Variants in PKD2 observed in about 807,000 individuals in gnomAD.
PKD2 encodes the protein polycystin 2, transient receptor potential cation channel.
In PKD2, 48 loss-of-function variants were observed where a neutral mutation model predicts 105.9. That is an observed-to-expected ratio of 0.45 (90% confidence interval 0.36 to 0.58). PKD2 has a LOEUF of 0.58. Among genes scored for constraint, PKD2 ranks in the 20% least tolerant of loss-of-function variants. The pLI is 0.00. For synonymous variants in PKD2, 464 were observed against 481.1 expected, an observed-to-expected ratio of 0.96 and a Z score of 0.46; for missense variants, 1,078 against 1,255.3, an observed-to-expected ratio of 0.86 and a Z score of 2.13.
Position 88,075,839 on chromosome 4 carries a change from T to C in PKD2, c.*145T>C, listed in dbSNP as rs1263731896. The C allele has an allele frequency of 1.4e-6, 1 of 730,678 alleles. No homozygotes were observed. Among genetic ancestry groups the C allele is most frequent in the Non-Finnish European group, 2.4e-6 (1 of 411,146 alleles). The allele number at this position is 730,678 out of a possible 1,614,324, so 45.3% of individuals were successfully genotyped here. A position where few individuals can be genotyped will look rare whatever the true frequency, so the allele number is the denominator to read the frequency against. ...TGCTAATCTTCTGCACTTTAATTTA[T>C]TTTATATAAACTTTACCCATGGTTC... On this transcript the variant is annotated 3_prime_UTR_variant, in exon 15 of 15. Coordinates refer to ENST00000237596, the MANE Select transcript of PKD2 (RefSeq NM_000297.4).
At position 88,056,128 on chromosome 4, in the gene PKD2, T is replaced by G. The variant is rs1234523634; in HGVS notation, c.1759T>G (p.Ser587Ala). 1 of 1,613,848 alleles carries G rather than the reference T, an allele frequency of 6.2e-7. No homozygotes were observed. The highest frequency in any genetic ancestry group is 1.1e-5 in the South Asian group (1 of 91,072). Residue 587 changes from serine (S) to alanine (A), a missense_variant, in exon 8 of 15, where the codon TCG (serine) becomes GCG (alanine). Physicochemically the swap from Ser to Ala is moderately conservative, Grantham distance 99. Around this residue, in one of 2 missense-constraint regions of PKD2, gnomAD observed 868 missense variants for 1,067.3 expected, o/e 0.81. Coordinates refer to ENST00000237596, the MANE Select transcript of PKD2 (RefSeq NM_000297.4). Reference sequence around the variant, plus strand: ...TTTTAACAGGACCATGAGCCAGCTCTCGACAACCATGTCTCGATGTGCCAA... The same window carrying G: ...TTTTAACAGGACCATGAGCCAGCTCGCGACAACCATGTCTCGATGTGCCAA... ...INFNRTMSQLSTTMSRCAKDL... is the reference protein window; with the variant it reads ...INFNRTMSQLATTMSRCAKDL...
At chr4:88,011,921 C>T (rs753725684) in intron 1 of PKD2, among the ~76,000 whole-genome samples, 1 of 150,268 alleles carries the variant, frequency 6.7e-6, no homozygotes, top group Admixed American at 6.6e-5. Flanking sequence ...GCAGTTTTGC[C>T]CCTCAGGGGA....
Position 88,056,053 on chromosome 4 carries a change from C to T in PKD2, c.1717-33C>T, listed in dbSNP as rs372552957. On this transcript the variant is annotated intron_variant, in intron 7 of 14. Transcript: ENST00000237596. ...ATACAGTCACACCATTTTGTTTATC[C>T]ATTCATCTATTGATGTCTTCTCTCT... 6.1e-4 allele frequency: 808 copies of T among 1,334,916 alleles called. 19 individuals are homozygous for T. The South Asian group carries it at 8.7e-3, about 14-fold the overall frequency. The allele number at this position is 1,334,916 out of a possible 1,614,324, so 82.7% of individuals were successfully genotyped here. A position where few individuals can be genotyped will look rare whatever the true frequency, so the allele number is the denominator to read the frequency against.
chr4:88,014,662 G>A (rs577082829), intron 1 of PKD2, among the ~76,000 whole-genome samples: 44 of 152,298 alleles, frequency 2.9e-4, no homozygotes, highest in African/African-American at 1.0e-3. Context: ...AGACTCACAT[G>A]TATCTTAGCA....
chr4:88,009,963 GTA>G (rs1314555672), intron 1 of PKD2, among the ~76,000 whole-genome samples: 1 of 152,036 alleles, frequency 6.6e-6, no homozygotes, highest in Non-Finnish European at 1.5e-5. Flanking sequence ...TTTCATATGA[GTA>G]TGTATGTAAA....
intron 4 of PKD2, among the ~76,000 whole-genome samples, chr4:88,042,886 G>T (rs1334782965): frequency 6.6e-6 from 1 of 152,128 alleles, no homozygotes; most frequent in Non-Finnish European, 1.5e-5. Context: ...AAGTCGTCTA[G>T]TCCCTGAGCA....
chr4:88,070,575 TA>T (rs1560629851), intron 13 of PKD2, among the ~76,000 whole-genome samples: 3 of 83,392 alleles, frequency 3.6e-5, no homozygotes, highest in Admixed American at 2.4e-4. Context: ...TTATTTATTT[TA>T]TATATATATA....
intron 2 of PKD2, among the ~76,000 whole-genome samples, chr4:88,031,107 GCC>G: frequency 6.6e-6 from 1 of 152,248 alleles, no homozygotes; most frequent in East Asian, 1.9e-4. Flanking sequence ...TAAAGATAGA[GCC>G]ACAGATCCCA....
intron 1 of PKD2, 114 bp downstream of exon 1, chr4:88,008,442 T>G: frequency 7.7e-7 from 1 of 1,296,454 alleles, no homozygotes; most frequent in Non-Finnish European, 1.0e-6. Flanking sequence ...CCCTCTGCGT[T>G]CCGCCTCCCT....
rs1031418138 is a variant in PKD2 at position 88,077,407 on chromosome 4, G to C, written c.*1713G>C. 1 of 152,524 alleles carries C rather than the reference G, an allele frequency of 6.6e-6. No individual in the cohort carries two copies. Among genetic ancestry groups the C allele is most frequent in the African/African-American group, 2.4e-5 (1 of 41,406 alleles). 9.4% of individuals were successfully genotyped at this position (152,524 alleles called of 1,614,324 possible). ...ATTGACTGTACATATTTATGTATATGTACCATGTTGTTACATGTAAACAAA... is the reference window on the plus strand; with the variant it reads ...ATTGACTGTACATATTTATGTATATCTACCATGTTGTTACATGTAAACAAA... On this transcript the variant is annotated 3_prime_UTR_variant, in exon 15 of 15. Coordinates refer to ENST00000237596, the MANE Select transcript of PKD2 (RefSeq NM_000297.4).
intron 2 of PKD2, among the ~76,000 whole-genome samples, chr4:88,028,290 G>A (rs1463049361): frequency 6.6e-6 from 1 of 152,206 alleles, no homozygotes; most frequent in Non-Finnish European, 1.5e-5. Context: ...CATGAAGATC[G>A]AGTTGATAAC....
chr4:88,023,219 G>A (rs1249656565), intron 2 of PKD2, among the ~76,000 whole-genome samples: 1 of 152,228 alleles, frequency 6.6e-6, no homozygotes, highest in Admixed American at 6.5e-5. Context: ...TTCTGGGGAG[G>A]CCTCAGGAAG....
intron 2 of PKD2, among the ~76,000 whole-genome samples, chr4:88,033,469 T>G (rs929677248): frequency 1.3e-5 from 2 of 151,412 alleles, no homozygotes; most frequent in African/African-American, 4.9e-5. Context: ...CCTTCAAAGC[T>G]GGAAGGCATT....
chr4:88,049,355 C>T, intron 6 of PKD2, among the ~76,000 whole-genome samples: 1 of 152,202 alleles, frequency 6.6e-6, no homozygotes, highest in East Asian at 1.9e-4. Flanking sequence ...TTGCCTTGCA[C>T]CTGCTTTGGC....
chr4:88,074,761 G>A (rs759113960), intron 13 of PKD2, 51 bp from the exon 14 acceptor site: 2 of 1,607,426 alleles, frequency 1.2e-6, no homozygotes, highest in Non-Finnish European at 1.7e-6. Flanking sequence ...CAGTGGGGCT[G>A]AAAAGACAAT....
At chr4:88,018,879 A>G (rs1336824535) in intron 1 of PKD2, among the ~76,000 whole-genome samples, 3 of 152,354 alleles carry the variant, frequency 2.0e-5, no homozygotes, top group African/African-American at 7.2e-5. Context: ...ATCAGTCACC[A>G]TGGAGTTTTT....
intron 1 of PKD2, among the ~76,000 whole-genome samples, chr4:88,019,058 G>A (rs891352957): frequency 2.0e-5 from 3 of 152,206 alleles, no homozygotes; most frequent in African/African-American, 7.2e-5. Flanking sequence ...ACTGGGTTTA[G>A]TAGTAGGATA....
intron 13 of PKD2, among the ~76,000 whole-genome samples, chr4:88,070,614 A>AGAGAGG (rs1553928349): frequency 6.9e-6 from 1 of 145,166 alleles, no homozygotes; most frequent in Non-Finnish European, 1.5e-5. Flanking sequence ...AGAGAGAGAG[A>AGAGAGG]GAGAGAGAGA....
In PKD2 at chr4:88,065,901, C is replaced by T. The variant is rs765234844; in HGVS notation, c.2358+22C>T. The stretch of plus-strand genomic sequence containing the variant: ...GAGGGTGGGTCTGGTTTAGGAGAAC[C>T]GGATTTGATTTGGTACCTACAACAC... On this transcript the variant is annotated intron_variant, in intron 12 of 14. Transcript: ENST00000237596. 4.1e-5 allele frequency: 56 copies of T among 1,374,516 alleles called. No individual in the cohort carries two copies. In the Admixed American group the frequency reaches 7.0e-4, roughly 17 times the overall value. 85.1% of individuals were successfully genotyped at this position (1,374,516 alleles called of 1,614,324 possible). A position where few individuals can be genotyped will look rare whatever the true frequency, so the allele number is the denominator to read the frequency against.
Sources: allele counts gnomAD v4.1 joint callset (sites outside exome capture counted in the v4.1 genomes callset), GRCh38; gene constraint gnomAD v4.1.1; regional missense constraint gnomAD v4.1.1; transcripts MANE v1.5; gene names NCBI Gene and HGNC (gene_info 2026-07-23, HGNC 2026-07-21).